RTN1: variants seen among roughly 807,000 people sequenced by gnomAD.
RTN1 encodes reticulon 1.
RTN1 carries 25 observed loss-of-function variants against 65.5 expected under a neutral mutation model. The observed-to-expected ratio is 0.38, with a 90% confidence interval of 0.28 to 0.53. RTN1 has a LOEUF of 0.53. Among genes scored for constraint, RTN1 ranks in the 20% least tolerant of loss-of-function variants. RTN1 has a pLI of 0.79. For synonymous variants in RTN1, 471 were observed against 447.6 expected, an observed-to-expected ratio of 1.05 and a Z score of -0.66; for missense variants, 983 against 1,025.4, an observed-to-expected ratio of 0.96 and a Z score of 0.57.
intron 8 of RTN1, among the ~76,000 whole-genome samples, chr14:59,602,734 A>G (rs772834876): frequency 1.3e-5 from 2 of 152,146 alleles, no homozygotes; most frequent in African/African-American, 4.8e-5. Context: ...TAAACTGTTA[A>G]TTTTACTTTT....
intron 3 of RTN1, among the ~76,000 whole-genome samples, chr14:59,678,725 C>T (rs1028149024): frequency 6.6e-6 from 1 of 152,166 alleles, no homozygotes; most frequent in African/African-American, 2.4e-5. Flanking sequence ...TCCTTAGGCT[C>T]ACTGGTGTGG....
At chr14:59,672,517 G>A (rs982170756) in intron 3 of RTN1, among the ~76,000 whole-genome samples, 18 of 151,824 alleles carry the variant, frequency 1.2e-4, no homozygotes, top group Admixed American at 6.6e-5. Context: ...ATCAAGGAAG[G>A]TGCTGTCTTT....
intron 2 of RTN1, among the ~76,000 whole-genome samples, chr14:59,740,406 A>G (rs1467157053): frequency 3.4e-4 from 52 of 152,244 alleles, no homozygotes. Context: ...AAATAAAAAT[A>G]CAGGACACTC....
chr14:59,797,496 C>A (rs77710326), intron 1 of RTN1, among the ~76,000 whole-genome samples: 1,902 of 152,162 alleles, frequency 0.012, 37 homozygotes, highest in African/African-American at 0.043. Flanking sequence ...ATTCAAAAGT[C>A]CATTGTGCAA....
chr14:59,855,297 A>T (rs965493528), intron 1 of RTN1, among the ~76,000 whole-genome samples: 1 of 152,136 alleles, frequency 6.6e-6, no homozygotes, highest in African/African-American at 2.4e-5. Flanking sequence ...AAATTCACTA[A>T]CATTTTCTTC....
intron 1 of RTN1, among the ~76,000 whole-genome samples, chr14:59,761,283 C>A (rs933135973): frequency 2.0e-5 from 3 of 152,178 alleles, no homozygotes; most frequent in Admixed American, 1.3e-4. Flanking sequence ...CCCCACGTGT[C>A]AAGGGCAGGG....
intron 8 of RTN1, among the ~76,000 whole-genome samples, chr14:59,597,859 C>G (rs1881451337): frequency 6.6e-6 from 1 of 152,034 alleles, no homozygotes; most frequent in African/African-American, 2.4e-5. Context: ...ACAGAGAGGA[C>G]AAGCTGGCGG....
chr14:59,749,487 A>C (rs1482602490), intron 1 of RTN1, among the ~76,000 whole-genome samples: 4 of 73,306 alleles, frequency 5.5e-5, no homozygotes, highest in African/African-American at 2.9e-4. Flanking sequence ...ATATCTATAT[A>C]TATCTATATA....
At chr14:59,659,508 G>C (rs1883197555) in intron 3 of RTN1, among the ~76,000 whole-genome samples, 2 of 152,236 alleles carry the variant, frequency 1.3e-5, no homozygotes, top group South Asian at 2.1e-4. Flanking sequence ...GGGTTACCCA[G>C]AAAGGGAAGC....
At chr14:59,667,160 A>G (rs201140266) in intron 3 of RTN1, among the ~76,000 whole-genome samples, 43,972 of 151,332 alleles carry the variant, frequency 0.29, 7,393 homozygotes, top group Admixed American at 0.43. Context: ...CAACAAAAAA[A>G]GAGAATTTTA....
intron 3 of RTN1, among the ~76,000 whole-genome samples, chr14:59,633,896 G>A (rs1358581714): frequency 6.6e-6 from 1 of 152,198 alleles, no homozygotes; most frequent in Non-Finnish European, 1.5e-5. Flanking sequence ...TCTGGCACCA[G>A]AATTTTACTG....
chr14:59,739,026 A>T (rs1403189748), intron 2 of RTN1, among the ~76,000 whole-genome samples: 3 of 152,140 alleles, frequency 2.0e-5, no homozygotes, highest in Non-Finnish European at 4.4e-5. Context: ...GAAGGAGAGC[A>T]TCAGAAAGAA....
intron 5 of RTN1, chr14:59,604,737 C>G (rs1208853506): frequency 6.6e-6 from 1 of 152,256 alleles, no homozygotes; most frequent in Non-Finnish European, 1.5e-5. Flanking sequence ...TCTGGGCTTC[C>G]CCAGCTCTGC....
At chr14:59,610,039 G>T in intron 3 of RTN1, 1 of 729,948 alleles carries the variant, frequency 1.4e-6, no homozygotes, top group South Asian at 1.5e-5. Flanking sequence ...GGGCTCAGAA[G>T]AGCCTGAAAG....
rs1010353585 is a variant in RTN1, at chr14:59,603,342, G to T, written c.2183-84C>A. Reference sequence around the variant, plus strand: ...TAGACACATTTTTATATGGTTATATGATATTATAGCATTATTTGGAATATA... The same window carrying T: ...TAGACACATTTTTATATGGTTATATTATATTATAGCATTATTTGGAATATA... On this transcript the variant is annotated intron_variant, in intron 6 of 8. Coordinates refer to ENST00000267484, the MANE Select transcript of RTN1 (RefSeq NM_021136.3). The T allele has an allele frequency of 2.9e-6, 3 of 1,024,440 alleles. No individual in the cohort carries two copies. In the Admixed American group the frequency reaches 6.6e-5, roughly 22 times the overall value. 63.5% of individuals were successfully genotyped at this position (1,024,440 alleles called of 1,614,324 possible).
At chr14:59,712,517 C>T (rs577300201) in intron 3 of RTN1, among the ~76,000 whole-genome samples, 62 of 152,230 alleles carry the variant, frequency 4.1e-4, no homozygotes, top group African/African-American at 8.2e-4. Flanking sequence ...ATTCAACTTC[C>T]GATAAATTGT....
chr14:59,638,589 G>C lies in RTN1; in HGVS notation c.1766-31097C>G, dbSNP rs74931698. Among the ~76,000 whole-genome samples the C allele has an allele frequency of 9.8e-4, 149 of 152,308 alleles. 3 individuals are homozygous for C. The East Asian group carries it at 0.016, about 16-fold the overall frequency. ...ATAACTTGCTGTAGCTTCTCCATTA[G>C]CACTTGCTGCTTCCCCTGGCATTTT... On this transcript the variant is annotated intron_variant, in intron 3 of 8. Coordinates refer to ENST00000267484, the MANE Select transcript of RTN1 (RefSeq NM_021136.3).
intron 5 of RTN1, chr14:59,604,233 T>G (rs1183596045): frequency 2.3e-5 from 4 of 173,602 alleles, no homozygotes; most frequent in East Asian, 1.4e-4. Context: ...TTTTAAATGT[T>G]CAAATAAAAT....
Position 59,816,816 on chromosome 14 carries a change from C to T in RTN1, c.241+53574G>A, listed in dbSNP as rs1314305928. 2.0e-5 allele frequency among the ~76,000 whole-genome samples: 3 copies of T among 152,158 alleles called. No homozygotes were observed. The highest frequency in any genetic ancestry group is 7.2e-5 in the African/African-American group (3 of 41,510). Reference sequence around the variant, plus strand: ...GGTGTGGTGGCATGTGCCTGTGGTCCCAGCTACTCGGGAGGCTAAGGTGGG... The same window carrying T: ...GGTGTGGTGGCATGTGCCTGTGGTCTCAGCTACTCGGGAGGCTAAGGTGGG... On this transcript the variant is annotated intron_variant, in intron 1 of 8. Transcript: ENST00000267484. This position sits in a 1 kb window ranked among gnomAD's most constrained non-coding sequence, Gnocchi z 4.3.
Sources: allele counts gnomAD v4.1 joint callset (sites outside exome capture counted in the v4.1 genomes callset), GRCh38; gene constraint gnomAD v4.1.1; non-coding constraint Gnocchi (gnomAD v3.1); transcripts MANE v1.5; gene names NCBI Gene and HGNC (gene_info 2026-07-23, HGNC 2026-07-21).